The following COL26A1 variants were observed in gnomAD, a reference collection of about 807,000 sequenced individuals.
COL26A1 encodes collagen type XXVI alpha 1 chain.
A neutral mutation model predicts 59.3 loss-of-function variants in COL26A1; 41 were observed. The ratio of observed to expected loss-of-function variants is 0.69; its 90% CI spans 0.54 to 0.90. The LOEUF is 0.90. COL26A1 is among the 40% of genes least tolerant of loss of function. The pLI, the probability that COL26A1 is intolerant of heterozygous loss-of-function variation, is 0.00. For missense variants in COL26A1, 612 were observed against 602.3 expected (o/e 1.02, Z -0.17); for synonymous variants, 266 against 256.0 (o/e 1.04, Z -0.37).
intron 4 of COL26A1, among the ~76,000 whole-genome samples, chr7:101,538,853 C>G (rs769677045): frequency 1.1e-4 from 17 of 152,220 alleles, no homozygotes; most frequent in Non-Finnish European, 2.2e-4. Context: ...GCTACTCAGG[C>G]AGACCATCTG....
intron 1 of COL26A1, among the ~76,000 whole-genome samples, chr7:101,415,354 A>G (rs1792349245): frequency 6.6e-6 from 1 of 151,856 alleles, no homozygotes; most frequent in Non-Finnish European, 1.5e-5. Context: ...GGGTTTCACC[A>G]TGTTGGCCAG....
intron 1 of COL26A1, among the ~76,000 whole-genome samples, chr7:101,383,290 AAT>A (rs1491130137): frequency 1.3e-5 from 2 of 151,434 alleles, no homozygotes; most frequent in African/African-American, 4.9e-5. Context: ...AAATTATTTT[AAT>A]TTTTTTTTAG....
At chr7:101,454,756 T>C (rs1406096362) in intron 3 of COL26A1, among the ~76,000 whole-genome samples, 2 of 152,166 alleles carry the variant, frequency 1.3e-5, no homozygotes, top group African/African-American at 2.4e-5. Flanking sequence ...TGAGTTACAG[T>C]GCTGTTGGCT....
chr7:101,532,931 T>C lies in COL26A1; in HGVS notation c.386-151T>C, dbSNP rs1584492108. On this transcript the variant is annotated intron_variant, in intron 3 of 12. Coordinates refer to ENST00000313669, the MANE Select transcript of COL26A1 (RefSeq NM_001278563.3). ...TGCATGGAGGAGGGGGCTCTGAGGGTAAGGCTTTGAAGGATGAATAGGAGT... is the reference window on the plus strand; with the variant it reads ...TGCATGGAGGAGGGGGCTCTGAGGGCAAGGCTTTGAAGGATGAATAGGAGT... 2.0e-5 allele frequency: 13 copies of C among 638,644 alleles called. No homozygotes were observed. The East Asian group carries it at 3.4e-4, about 17-fold the overall frequency. The allele number at this position is 638,644 out of a possible 1,614,324, so 39.6% of individuals were successfully genotyped here.
At chr7:101,435,216 G>C (rs1562977579) in intron 2 of COL26A1, among the ~76,000 whole-genome samples, 1 of 152,182 alleles carries the variant, frequency 6.6e-6, no homozygotes, top group Admixed American at 6.5e-5. Context: ...CTACTCAGGA[G>C]GCTGAGACAG....
At chr7:101,494,380 G>C (rs1190968846) in intron 3 of COL26A1, among the ~76,000 whole-genome samples, 1 of 152,178 alleles carries the variant, frequency 6.6e-6, no homozygotes, top group Admixed American at 6.5e-5. Context: ...GCTGGCCATA[G>C]TCTCCCAGAA....
At chr7:101,459,605 G>A (rs747629749) in intron 3 of COL26A1, among the ~76,000 whole-genome samples, 2 of 151,926 alleles carry the variant, frequency 1.3e-5, no homozygotes, top group Non-Finnish European at 2.9e-5. Context: ...ACCACACCTG[G>A]CCTACACCTG....
At chr7:101,375,989 G>GAAAAAGAA (rs1554402512) in intron 1 of COL26A1, among the ~76,000 whole-genome samples, 1 of 122,794 alleles carries the variant, frequency 8.1e-6, no homozygotes, top group Non-Finnish European at 1.6e-5. Flanking sequence ...CCATCTCAAA[G>GAAAAAGAA]AAAAAAAAAA....
chr7:101,373,936 C>G (rs1791249540), intron 1 of COL26A1, among the ~76,000 whole-genome samples: 2 of 152,178 alleles, frequency 1.3e-5, no homozygotes, highest in Non-Finnish European at 1.5e-5. Flanking sequence ...CTTCTCTTGG[C>G]TCGAACTCGT....
intron 3 of COL26A1, among the ~76,000 whole-genome samples, chr7:101,454,317 T>G (rs185209316): frequency 6.8e-6 from 1 of 146,658 alleles, no homozygotes; most frequent in Non-Finnish European, 1.5e-5. Context: ...CAGACTGGAG[T>G]GCAATGGCAT....
At chr7:101,533,000 C>T (rs1373551263) in intron 3 of COL26A1, 82 bp from the exon 4 acceptor site, 2 of 1,056,808 alleles carry the variant, frequency 1.9e-6, no homozygotes, top group Non-Finnish European at 2.8e-6. Context: ...TGCCTGCCTG[C>T]CCAGAGGCTA....
At chr7:101,422,280 C>T (rs1792540029) in intron 2 of COL26A1, among the ~76,000 whole-genome samples, 1 of 141,670 alleles carries the variant, frequency 7.1e-6, no homozygotes, top group Admixed American at 7.4e-5. Flanking sequence ...CATTGCACTC[C>T]AGCCTGGGCA....
intron 4 of COL26A1, among the ~76,000 whole-genome samples, chr7:101,536,741 T>C (rs1795490900): frequency 6.6e-6 from 1 of 152,198 alleles, no homozygotes; most frequent in African/African-American, 2.4e-5. Context: ...ACATTTATTG[T>C]TTATTCCACA....
At position 101,547,230 on chromosome 7, in the gene COL26A1, G is replaced by A. The variant is rs780621949; in HGVS notation, c.931G>A (p.Gly311Ser). 11 of 1,578,024 alleles carry A rather than the reference G, an allele frequency of 7.0e-6. No individual in the cohort carries two copies. The Admixed American group carries it at 2.0e-4, about 29-fold the overall frequency. The change falls in exon 8 of 13, where the codon GGT becomes AGT. Residue 311 changes from glycine (G) to serine (S), a missense_variant. By Grantham distance (56) the Gly-to-Ser change is moderately conservative. Coordinates refer to ENST00000313669, the MANE Select transcript of COL26A1 (RefSeq NM_001278563.3). Reference protein sequence around the residue: ...AGVPGPRGPPGPPGPPGPRGP... With the variant: ...AGVPGPRGPPSPPGPPGPRGP... ...TGTCCCAGGACCCCGGGGTCCCCCT[G>A]GTCCACCAGGTAAGTGAATGGTGGG...
intron 8 of COL26A1, among the ~76,000 whole-genome samples, chr7:101,547,538 A>G (rs1795763380): frequency 6.6e-6 from 1 of 152,232 alleles, no homozygotes; most frequent in Non-Finnish European, 1.5e-5. Flanking sequence ...GGATGGGGTC[A>G]GGACAGAGGT....
chr7:101,362,978 G>T lies in COL26A1; in HGVS notation c.-55G>T. The T allele has an allele frequency of 6.6e-7, 1 of 1,515,314 alleles. No individual in the cohort carries two copies. The allele number at this position is 1,515,314 out of a possible 1,614,324, so 93.9% of individuals were successfully genotyped here. ...GCGGGTTCGGTCCGGGCGCCGGTGCGCTCCTGCCGGTCCTCGTGCCCGGGA... is the reference window on the plus strand; with the variant it reads ...GCGGGTTCGGTCCGGGCGCCGGTGCTCTCCTGCCGGTCCTCGTGCCCGGGA... On this transcript the variant is annotated 5_prime_UTR_variant, in exon 1 of 13. Coordinates refer to ENST00000313669, the MANE Select transcript of COL26A1 (RefSeq NM_001278563.3).
chr7:101,538,964 G>A (rs578148950), intron 4 of COL26A1, among the ~76,000 whole-genome samples: 10 of 152,328 alleles, frequency 6.6e-5, no homozygotes, highest in African/African-American at 1.4e-4. Flanking sequence ...CCCACCCTGA[G>A]CCTATTTCTG....
intron 1 of COL26A1, among the ~76,000 whole-genome samples, chr7:101,378,129 C>T (rs750757441): frequency 7.9e-5 from 12 of 151,978 alleles, no homozygotes; most frequent in Non-Finnish European, 1.3e-4. Flanking sequence ...CCTGTAATCC[C>T]AGCACTTTGG....
intron 5 of COL26A1, among the ~76,000 whole-genome samples, chr7:101,542,727 G>A (rs1201489881): frequency 1.3e-5 from 2 of 152,186 alleles, no homozygotes; most frequent in Non-Finnish European, 2.9e-5. Flanking sequence ...CTTGGAAAGG[G>A]ACTGAAGGCT....
Sources: allele counts gnomAD v4.1 joint callset (sites outside exome capture counted in the v4.1 genomes callset), GRCh38; gene constraint gnomAD v4.1.1; transcripts MANE v1.5; gene names NCBI Gene and HGNC (gene_info 2026-07-23, HGNC 2026-07-21).